The following RABEP1 variants were observed in gnomAD, a reference collection of about 807,000 sequenced individuals.
RABEP1 encodes rab GTPase-binding effector protein 1.
RABEP1 carries 51 observed loss-of-function variants against 123.4 expected under a neutral mutation model. The ratio of observed to expected loss-of-function variants is 0.41; its 90% CI spans 0.33 to 0.52. RABEP1 has a LOEUF of 0.52. Among genes scored for constraint, RABEP1 ranks in the 20% least tolerant of loss-of-function variants. RABEP1 has a pLI of 0.16. For missense variants in RABEP1, 888 were observed against 996.3 expected, an observed-to-expected ratio of 0.89 and a Z score of 1.46; for synonymous variants, 347 against 355.2, an observed-to-expected ratio of 0.98 and a Z score of 0.26.
chr17:5,333,562 G>C (rs1021158673), intron 3 of RABEP1, among the ~76,000 whole-genome samples: 2 of 152,152 alleles, frequency 1.3e-5, no homozygotes, highest in Admixed American at 6.6e-5. Context: ...TAAAAAGGCA[G>C]GTGAGGCTAG....
intron 1 of RABEP1, among the ~76,000 whole-genome samples, chr17:5,298,533 G>A (rs971226060): frequency 3.3e-5 from 5 of 152,018 alleles, no homozygotes; most frequent in African/African-American, 1.2e-4. Flanking sequence ...ATAATGCCTC[G>A]TTATATCTTC....
intron 7 of RABEP1, among the ~76,000 whole-genome samples, chr17:5,352,490 G>T (rs376080810): frequency 7.3e-5 from 11 of 151,352 alleles, no homozygotes; most frequent in South Asian, 2.1e-4. Flanking sequence ...ACCATGCCCT[G>T]CTCTAAAGTA....
chr17:5,365,042 A>T (rs57839578), intron 10 of RABEP1, 80 bp from the exon 11 acceptor site: 455,371 of 826,020 alleles, frequency 0.55, 129,830 homozygotes, highest in East Asian at 0.95. Context: ...ATTTTTTTTT[A>T]AAATTCTGGA....
At chr17:5,295,534 C>G (rs910321071) in intron 1 of RABEP1, among the ~76,000 whole-genome samples, 1 of 148,334 alleles carries the variant, frequency 6.7e-6, no homozygotes, top group Non-Finnish European at 1.5e-5. Context: ...CATCCTGATA[C>G]ATGTGTCTCT....
In RABEP1 at chr17:5,386,293, CT is replaced by C; in HGVS notation, c.*3074del. The stretch of plus-strand genomic sequence containing the variant: ...CCCTGTAAAATTGTAAAGTCACTCA[CT>C]TTTGGAATTATAATAAACCATTTAT... On this transcript the variant is annotated 3_prime_UTR_variant, in exon 18 of 18. Transcript: ENST00000537505. 1 of 1,555,078 alleles carries C rather than the reference CT, an allele frequency of 6.4e-7. No homozygotes were observed. Among genetic ancestry groups the C allele is most frequent in the Non-Finnish European group, 8.8e-7 (1 of 1,135,578 alleles).
chr17:5,345,130 G>T (rs1262558614), intron 5 of RABEP1, among the ~76,000 whole-genome samples: 1 of 152,192 alleles, frequency 6.6e-6, no homozygotes, highest in African/African-American at 2.4e-5. Context: ...TAACCAGGTT[G>T]TAAGGGTTAT....
chr17:5,361,502 A>G lies in RABEP1; in HGVS notation c.1390A>G (p.Ser464Gly), dbSNP rs777509783. The G allele has an allele frequency of 5.6e-6, 9 of 1,614,206 alleles. No individual in the cohort carries two copies. Among genetic ancestry groups the G allele is most frequent in the Non-Finnish European group, 6.8e-6 (8 of 1,180,044 alleles). ...TASLGSLQMP[S>G]GFMLTKDQER... ...ATCCCTTGGGTCACTCCAGATGCCA[A>G]GTGGGTTTATGTTAACCAAAGATCA... Residue 464 changes from serine to glycine, a missense_variant, in exon 9 of 18, where the codon AGT (serine) becomes GGT (glycine). By Grantham distance (56) the Ser-to-Gly change is moderately conservative. Transcript: ENST00000537505.
At position 5,350,574 on chromosome 17, in the gene RABEP1, T is replaced by C. The variant is rs763800190; in HGVS notation, c.908T>C (p.Ile303Thr). 2 of 1,614,020 alleles carry C rather than the reference T, an allele frequency of 1.2e-6. No homozygotes were observed. Among genetic ancestry groups the C allele is most frequent in the South Asian group, 2.2e-5 (2 of 91,064 alleles). Residue 303 changes from isoleucine to threonine, a missense_variant, in exon 7 of 18, where the codon ATT (isoleucine) becomes ACT (threonine). By Grantham distance (89) the Ile-to-Thr change is moderately conservative (BLOSUM62 -1). Transcript: ENST00000537505. ...LLMRDMQRME[I>T]VLTSEQLRQV... ...ATGAGAGACATGCAGCGAATGGAGA[T>C]TGTGCTAACTTCAGAACAGCTCCGA...
In RABEP1 at chr17:5,386,094, C is replaced by T. The variant is rs532569928; in HGVS notation, c.*2871C>T. ...AACATATTTAAAAAGATGAACCACACCAAAGGTCATCAAAACACCTTTTTA... is the reference window on the plus strand; with the variant it reads ...AACATATTTAAAAAGATGAACCACATCAAAGGTCATCAAAACACCTTTTTA... On this transcript the variant is annotated 3_prime_UTR_variant, in exon 18 of 18. Transcript: ENST00000537505. The T allele has an allele frequency of 1.3e-6, 1 of 743,600 alleles. No individual in the cohort carries two copies. Among genetic ancestry groups the T allele is most frequent in the Non-Finnish European group, 2.2e-6 (1 of 447,416 alleles). 46.1% of individuals were successfully genotyped at this position (743,600 alleles called of 1,614,324 possible).
intron 1 of RABEP1, among the ~76,000 whole-genome samples, chr17:5,285,585 A>G (rs1022604400): frequency 2.0e-5 from 3 of 152,188 alleles, no homozygotes; most frequent in Non-Finnish European, 2.9e-5. Context: ...AATGTTAGCT[A>G]TCATATTATA....
chr17:5,374,014 T>C (rs1910764505), intron 13 of RABEP1, among the ~76,000 whole-genome samples: 1 of 151,922 alleles, frequency 6.6e-6, no homozygotes, highest in Non-Finnish European at 1.5e-5. Context: ...TTTGTTTTTG[T>C]ATCTAGTACT....
intron 1 of RABEP1, among the ~76,000 whole-genome samples, chr17:5,297,064 T>C (rs2075090361): frequency 6.6e-6 from 1 of 152,004 alleles, no homozygotes; most frequent in South Asian, 2.1e-4. Flanking sequence ...TTGTTAGATA[T>C]TGACTTTTTC....
intron 1 of RABEP1, among the ~76,000 whole-genome samples, chr17:5,290,003 C>T (rs928700564): frequency 2.0e-5 from 3 of 152,134 alleles, no homozygotes; most frequent in Non-Finnish European, 4.4e-5. Flanking sequence ...AAAATATCTC[C>T]ATTTATCATA....
At chr17:5,314,234 CTTTTTTTTTTTTTTTTT>C (rs71151864) in intron 2 of RABEP1, among the ~76,000 whole-genome samples, 1 of 55,560 alleles carries the variant, frequency 1.8e-5, no homozygotes, top group Non-Finnish European at 3.2e-5. Context: ...AGTACCTATT[CTTTTTTTTTTTTTTTTT>C]TTTTTTTTTG....
intron 3 of RABEP1, among the ~76,000 whole-genome samples, chr17:5,333,140 TC>T (rs1906725484): frequency 6.6e-6 from 1 of 152,102 alleles, no homozygotes; most frequent in South Asian, 2.1e-4. Flanking sequence ...ATCTTTGAGT[TC>T]CTGGAATTAG....
At chr17:5,355,033 A>G (rs1350998955) in intron 8 of RABEP1, among the ~76,000 whole-genome samples, 1 of 152,206 alleles carries the variant, frequency 6.6e-6, no homozygotes, top group African/African-American at 2.4e-5. Context: ...TCTCACCTAC[A>G]GTGTGGCAAG....
intron 1 of RABEP1, among the ~76,000 whole-genome samples, chr17:5,307,525 A>G (rs538738073): frequency 6.6e-6 from 1 of 152,350 alleles, no homozygotes; most frequent in East Asian, 1.9e-4. Context: ...GACTTGCAGT[A>G]GGAAACTTGG....
chr17:5,346,659 A>G (rs1908090176), intron 5 of RABEP1, 131 bp from the exon 6 acceptor site: 1 of 465,220 alleles, frequency 2.1e-6, no homozygotes, highest in East Asian at 3.7e-5. Flanking sequence ...TAAAAATTAT[A>G]AATGTTAATT....
intron 13 of RABEP1, among the ~76,000 whole-genome samples, chr17:5,374,766 A>G (rs1159281775): frequency 6.6e-6 from 1 of 152,104 alleles, no homozygotes; most frequent in Non-Finnish European, 1.5e-5. Context: ...CAGCTTCCTG[A>G]GTACTGGGAC....
Sources: gnomAD v4.1 joint callset for allele counts (sites outside exome capture counted in the v4.1 genomes callset) on GRCh38, gnomAD v4.1.1 for gene constraint, MANE v1.5 for transcripts, NCBI Gene and HGNC (gene_info 2026-07-23, HGNC 2026-07-21) for gene names.